TNIK: variants seen among roughly 807,000 people sequenced by gnomAD.
The protein encoded by TNIK is TRAF2 and NCK-interacting protein kinase.
TNIK carries 49 observed loss-of-function variants against 191.3 expected under a neutral mutation model. The ratio of observed to expected loss-of-function variants is 0.26; its 90% CI spans 0.20 to 0.32. TNIK has a LOEUF of 0.32. Among genes scored for constraint, TNIK ranks in the 10% least tolerant of loss-of-function variants. The probability of loss-of-function intolerance (pLI) is 1.00; values close to 1 mark genes in which losing one functional copy is unlikely to be tolerated. For synonymous variants in TNIK, 594 were observed against 600.9 expected (o/e 0.99, Z 0.17); for missense variants, 1,155 against 1,702.3 (o/e 0.68, Z 5.66).
At position 171,073,386 on chromosome 3, in the gene TNIK, G is replaced by A. The variant is rs144587388; in HGVS notation, c.3449-2063C>T. ...TTACCATATACAAAAATTAACTCACGATGGATTAAAGATTTAAATGTACCC... is the reference window on the plus strand; with the variant it reads ...TTACCATATACAAAAATTAACTCACAATGGATTAAAGATTTAAATGTACCC... On this transcript the variant is annotated intron_variant, in intron 28 of 32. Coordinates refer to ENST00000436636, the MANE Select transcript of TNIK (RefSeq NM_015028.4). Among the ~76,000 whole-genome samples the A allele has an allele frequency of 1.7e-3, 266 of 152,156 alleles. 1 individual carries two copies. Among genetic ancestry groups the A allele is most frequent in the African/African-American group, 6.0e-3 (251 of 41,514 alleles).
chr3:171,458,451 CA>C (rs1192869457), intron 1 of TNIK, among the ~76,000 whole-genome samples: 2 of 152,192 alleles, frequency 1.3e-5, no homozygotes, highest in Non-Finnish European at 2.9e-5. Context: ...CAGCCCATTT[CA>C]AACGGCATCT....
intron 1 of TNIK, among the ~76,000 whole-genome samples, chr3:171,415,874 G>A (rs955820406): frequency 2.7e-5 from 4 of 147,942 alleles, no homozygotes; most frequent in African/African-American, 5.0e-5. Context: ...CCAGCTACTC[G>A]GGAAGCTGAG....
rs1717779683 is a variant in TNIK at position 171,061,077 on chromosome 3, C to T, written c.*2804G>A. 6.6e-6 allele frequency among the ~76,000 whole-genome samples: 1 copy of T among 151,978 alleles called. No individual in the cohort carries two copies. The highest frequency in any genetic ancestry group is 6.6e-5 in the Admixed American group (1 of 15,254). ...AAAAGCAACCGTTCCTCCCCTACCC[C>T]CAAAAAGAATTAAGGCAATTCAGAA... On this transcript the variant is annotated 3_prime_UTR_variant, in exon 33 of 33. Coordinates refer to ENST00000436636, the MANE Select transcript of TNIK (RefSeq NM_015028.4).
chr3:171,126,442 C>G (rs553132594), intron 16 of TNIK, among the ~76,000 whole-genome samples: 4 of 152,096 alleles, frequency 2.6e-5, no homozygotes, highest in Admixed American at 6.5e-5. Flanking sequence ...ATTTATTGAC[C>G]AGCAATGCAA....
chr3:171,119,465 C>T (rs1217719591), intron 18 of TNIK, among the ~76,000 whole-genome samples: 1 of 152,188 alleles, frequency 6.6e-6, no homozygotes, highest in Non-Finnish European at 1.5e-5. Flanking sequence ...GATTATAAAT[C>T]ATGCTGCTAT....
chr3:171,181,246 G>A (rs1334611346), intron 7 of TNIK, among the ~76,000 whole-genome samples: 9 of 152,220 alleles, frequency 5.9e-5, no homozygotes, highest in Non-Finnish European at 1.2e-4. Context: ...TTGCACAATG[G>A]AAATAACCGT....
At chr3:171,107,302 C>T (rs894239986) in intron 20 of TNIK, 96 bp from the exon 21 acceptor site, 30 of 1,131,604 alleles carry the variant, frequency 2.7e-5, no homozygotes, top group African/African-American at 1.6e-4. Context: ...ATTGTTAGTA[C>T]GCAACTGATA....
At chr3:171,064,050 T>C (rs897946417) in intron 32 of TNIK, 86 bp from the exon 33 acceptor site, 4 of 1,281,284 alleles carry the variant, frequency 3.1e-6, no homozygotes, top group Admixed American at 2.0e-5. Flanking sequence ...CTCTCACATG[T>C]CCTATCCTTG....
chr3:171,130,356 C>T (rs1729074528), intron 15 of TNIK, among the ~76,000 whole-genome samples: 1 of 152,200 alleles, frequency 6.6e-6, no homozygotes, highest in Non-Finnish European at 1.5e-5. Context: ...TCTCTTCCCC[C>T]ACCATGGCTG....
Position 171,107,081 on chromosome 3 carries a change from A to G in TNIK, c.2406+102T>C, listed in dbSNP as rs1725019134. 3.2e-6 allele frequency: 4 copies of G among 1,241,184 alleles called. No individual in the cohort carries two copies. In the East Asian group the frequency reaches 9.9e-5, roughly 31 times the overall value. The allele number at this position is 1,241,184 out of a possible 1,614,324, so 76.9% of individuals were successfully genotyped here. A position where few individuals can be genotyped will look rare whatever the true frequency, so the allele number is the denominator to read the frequency against. ...AGCAGATTGCTACAAATCTCCTCCC[A>G]GCTGATTGCTCCCATTGGCCACCTT... On this transcript the variant is annotated intron_variant, in intron 21 of 32. Coordinates refer to ENST00000436636, the MANE Select transcript of TNIK (RefSeq NM_015028.4).
intron 2 of TNIK, among the ~76,000 whole-genome samples, chr3:171,306,484 A>G (rs1382960106): frequency 1.3e-5 from 2 of 152,212 alleles, no homozygotes; most frequent in African/African-American, 2.4e-5. Context: ...TACATTTTAT[A>G]AAGTAGGAAG....
chr3:171,129,844 A>C (rs1299119468), intron 15 of TNIK, among the ~76,000 whole-genome samples: 2 of 152,220 alleles, frequency 1.3e-5, no homozygotes, highest in Non-Finnish European at 2.9e-5. Flanking sequence ...TAGATAAACA[A>C]GGTGCGCACT....
At chr3:171,351,267 A>ATGTGTGTG (rs1161906508) in intron 2 of TNIK, among the ~76,000 whole-genome samples, 1 of 45,886 alleles carries the variant, frequency 2.2e-5, no homozygotes, top group Non-Finnish European at 5.5e-5. Context: ...ATATATATGT[A>ATGTGTGTG]TATATGTGTG....
chr3:171,178,425 G>A (rs1736225805), intron 7 of TNIK, among the ~76,000 whole-genome samples: 1 of 56,454 alleles, frequency 1.8e-5, no homozygotes, highest in Admixed American at 1.6e-4. Flanking sequence ...TTTGTGAGTA[G>A]ACTAGTATGT....
At chr3:171,365,262 A>C (rs1432540622) in intron 2 of TNIK, among the ~76,000 whole-genome samples, 1 of 131,478 alleles carries the variant, frequency 7.6e-6, no homozygotes, top group African/African-American at 2.9e-5. Flanking sequence ...AGCTCACCAG[A>C]ACCTCTGCCT....
At chr3:171,434,456 T>C (rs1253495177) in intron 1 of TNIK, among the ~76,000 whole-genome samples, 1 of 151,578 alleles carries the variant, frequency 6.6e-6, no homozygotes, top group Non-Finnish European at 1.5e-5. Flanking sequence ...TATTTATTTA[T>C]TTATTTATTT....
intron 1 of TNIK, among the ~76,000 whole-genome samples, chr3:171,422,926 A>G (rs1724022213): frequency 6.6e-6 from 1 of 152,190 alleles, no homozygotes; most frequent in Non-Finnish European, 1.5e-5. Flanking sequence ...TCTCCAGTGA[A>G]AATATGTGAT....
intron 2 of TNIK, among the ~76,000 whole-genome samples, chr3:171,291,992 C>G (rs13089064): frequency 0.041 from 6,243 of 152,246 alleles, 177 homozygotes; most frequent in African/African-American, 0.081. Flanking sequence ...TTCCTCATTA[C>G]TTCTACTGTG....
intron 2 of TNIK, among the ~76,000 whole-genome samples, chr3:171,343,275 G>A (rs1473533191): frequency 1.3e-5 from 2 of 152,138 alleles, no homozygotes; most frequent in Non-Finnish European, 2.9e-5. Flanking sequence ...AACTCATTTT[G>A]ATAGTATGTT....
Sources: gnomAD v4.1 joint callset for allele counts (sites outside exome capture counted in the v4.1 genomes callset) on GRCh38, gnomAD v4.1.1 for gene constraint, MANE v1.5 for transcripts, NCBI Gene and HGNC (gene_info 2026-07-23, HGNC 2026-07-21) for gene names.